HMCN1: variants seen among roughly 807,000 people sequenced by gnomAD.
HMCN1 encodes the protein hemicentin 1, also known as hemicentin-1.
A neutral mutation model predicts 625.9 loss-of-function variants in HMCN1; 321 were observed. The ratio of observed to expected loss-of-function variants is 0.51; its 90% CI spans 0.47 to 0.56. The LOEUF is 0.56. Among genes scored for constraint, HMCN1 ranks in the 20% least tolerant of loss-of-function variants. HMCN1 has a pLI of 0.00. For synonymous variants in HMCN1, 2,425 were observed against 2,417.6 expected (o/e 1.00, Z -0.09); for missense variants, 6,588 against 6,887.3 (o/e 0.96, Z 1.54).
intron 4 of HMCN1, among the ~76,000 whole-genome samples, chr1:185,877,166 A>G (rs1663995577): frequency 6.6e-6 from 1 of 151,774 alleles, no homozygotes; most frequent in Non-Finnish European, 1.5e-5. Context: ...CTAAATATTT[A>G]TTTATTTAAT....
At position 186,074,838 on chromosome 1, in the gene HMCN1, T is replaced by A; in HGVS notation, c.8237T>A (p.Val2746Glu). ...QISDTGRYTC[V>E]ASNIAGEDEL... ...TCAGACACCGGACGATATACTTGTG[T>A]AGCATCTAACATTGCAGGTGAAGAT... Residue 2746 changes from valine to glutamate, a missense_variant, in exon 53 of 107, where the codon GTA becomes GAA. Physicochemically the swap from Val to Glu is moderately radical, Grantham distance 121. This residue lies in a region of HMCN1 where 4,628 missense variants were observed against 4,853.1 expected (regional missense o/e 0.95). Transcript: ENST00000271588. 1.2e-6 allele frequency: 2 copies of A among 1,613,104 alleles called. No individual in the cohort carries two copies. Among genetic ancestry groups the A allele is most frequent in the Non-Finnish European group, 1.7e-6 (2 of 1,179,308 alleles).
At chr1:185,869,305 A>C (rs183781921) in intron 4 of HMCN1, among the ~76,000 whole-genome samples, 1 of 152,330 alleles carries the variant, frequency 6.6e-6, no homozygotes, top group African/African-American at 2.4e-5. Context: ...CCTGTCTGTA[A>C]AATGGAGATA....
rs189893883 is a variant in HMCN1, at chr1:186,071,982, G to A, written c.8139+1225G>A. 6.2e-3 allele frequency among the ~76,000 whole-genome samples: 936 copies of A among 152,174 alleles called. 4 individuals are homozygous for A. Among genetic ancestry groups the A allele is most frequent in the Non-Finnish European group, 7.9e-3 (539 of 67,984 alleles). On this transcript the variant is annotated intron_variant, in intron 52 of 106. Transcript: ENST00000271588. ...CTGGGTAAAGACTAAAAGTGCACAG[G>A]AAATGAGGCATTTTTGTCTTATTTT...
intron 1 of HMCN1, among the ~76,000 whole-genome samples, chr1:185,782,268 A>G (rs1657181122): frequency 6.6e-6 from 1 of 152,204 alleles, no homozygotes; most frequent in Non-Finnish European, 1.5e-5. Context: ...TCTCCTGAAT[A>G]CAGCACACTG....
At chr1:185,909,259 C>A in intron 4 of HMCN1, 78 bp from the exon 5 acceptor site, 1 of 1,144,780 alleles carries the variant, frequency 8.7e-7, no homozygotes, top group Non-Finnish European at 1.3e-6. Flanking sequence ...TTTGATCACC[C>A]AAAGGACCTG....
intron 89 of HMCN1, among the ~76,000 whole-genome samples, chr1:186,141,511 A>G (rs994374834): frequency 6.6e-6 from 1 of 152,204 alleles, no homozygotes; most frequent in Non-Finnish European, 1.5e-5. Flanking sequence ...AATCTTTTTT[A>G]AGATTGATAT....
intron 1 of HMCN1, among the ~76,000 whole-genome samples, chr1:185,841,095 A>AG (rs1661448524): frequency 6.6e-6 from 1 of 152,128 alleles, no homozygotes; most frequent in Non-Finnish European, 1.5e-5. Flanking sequence ...TTTTTCCATT[A>AG]TTTTCTTAAG....
chr1:185,857,414 G>C (rs960571050), intron 2 of HMCN1, among the ~76,000 whole-genome samples: 1 of 152,082 alleles, frequency 6.6e-6, no homozygotes. Context: ...TGTATTTAGG[G>C]AGCTGTCTAA....
At chr1:185,780,787 A>G (rs1657025916) in intron 1 of HMCN1, among the ~76,000 whole-genome samples, 1 of 152,162 alleles carries the variant, frequency 6.6e-6, no homozygotes, top group South Asian at 2.1e-4. Flanking sequence ...GATGTTGATC[A>G]AGGATATTGG....
At chr1:186,113,730 A>G (rs965928325) in intron 72 of HMCN1, among the ~76,000 whole-genome samples, 16 of 152,216 alleles carry the variant, frequency 1.1e-4, no homozygotes, top group African/African-American at 3.9e-4. Flanking sequence ...CTCTCACAGT[A>G]AGCCAGATTT....
chr1:185,910,822 G>A (rs1250740475), intron 5 of HMCN1, among the ~76,000 whole-genome samples: 3 of 152,016 alleles, frequency 2.0e-5, no homozygotes, highest in Admixed American at 2.0e-4. Flanking sequence ...GCCCACCTCG[G>A]CCTCCCAAAG....
intron 6 of HMCN1, among the ~76,000 whole-genome samples, chr1:185,913,998 C>G (rs970691678): frequency 6.6e-6 from 1 of 152,092 alleles, no homozygotes; most frequent in Non-Finnish European, 1.5e-5. Flanking sequence ...AATAAAAAGA[C>G]ACAGTATCTA....
rs1187974898 is a variant in HMCN1 at position 185,977,841 on chromosome 1, A to T, written c.2426A>T (p.Asn809Ile). The T allele has an allele frequency of 6.2e-7, 1 of 1,613,078 alleles. No homozygotes were observed. The highest frequency in any genetic ancestry group is 2.2e-5 in the East Asian group (1 of 44,792). The change falls in exon 16 of 107, where the codon AAT becomes ATT. Residue 809 changes from asparagine to isoleucine, a missense_variant. Transcript: ENST00000271588. ...GATGTGTCTATGGAAATTGGCTCAA[A>T]TGTGACATTACCTTGTTATGTTCAG... ...PADVSMEIGS[N>I]VTLPCYVQGY...
At chr1:186,022,388 G>A (rs951120797) in intron 35 of HMCN1, among the ~76,000 whole-genome samples, 28 of 152,258 alleles carry the variant, frequency 1.8e-4, no homozygotes, top group African/African-American at 6.7e-4. Flanking sequence ...GGAGTTGGTA[G>A]TCAACCACAC....
At chr1:185,774,280 C>G (rs1306814133) in intron 1 of HMCN1, among the ~76,000 whole-genome samples, 1 of 151,880 alleles carries the variant, frequency 6.6e-6, no homozygotes, top group South Asian at 2.1e-4. Context: ...GATGGGATGG[C>G]TTTGGAATAG....
chr1:186,132,413 A>T lies in HMCN1; in HGVS notation c.13312+4A>T. On this transcript the variant is annotated splice_donor_region_variant and intron_variant, in intron 86 of 106. Coordinates refer to ENST00000271588, the MANE Select transcript of HMCN1 (RefSeq NM_031935.3). ...AGCATGAGTCTGACTCTGCAAAGTA[A>T]GCTGCTTAATGAAACTAATTAAACA... 6.2e-7 allele frequency: 1 copy of T among 1,604,980 alleles called. No individual in the cohort carries two copies. Among genetic ancestry groups the T allele is most frequent in the Non-Finnish European group, 8.5e-7 (1 of 1,173,954 alleles).
intron 30 of HMCN1, among the ~76,000 whole-genome samples, chr1:186,014,499 C>T (rs1271426554): frequency 1.3e-5 from 2 of 151,684 alleles, no homozygotes; most frequent in Non-Finnish European, 2.9e-5. Flanking sequence ...CTGGAATGAC[C>T]ATATTTAGAA....
Position 185,982,367 on chromosome 1 carries a change from G to T in HMCN1, c.2768G>T (p.Arg923Leu). ...GCTGGAAATCCCATTCCAGAACGTC[G>T]GTGGATTAAGAATTCAGCTATGGTA... ...LLAGNPIPER[R>L]WIKNSAMLLQ... Residue 923 changes from arginine (R) to leucine (L), a missense_variant, in exon 18 of 107, where the codon CGG (arginine) becomes CTG (leucine). By Grantham distance (102) the Arg-to-Leu change is moderately radical. This residue lies in a region of HMCN1 where 4,628 missense variants were observed against 4,853.1 expected (regional missense o/e 0.95). Coordinates refer to ENST00000271588, the MANE Select transcript of HMCN1 (RefSeq NM_031935.3). 6.2e-7 allele frequency: 1 copy of T among 1,613,400 alleles called. No individual in the cohort carries two copies. Among genetic ancestry groups the T allele is most frequent in the South Asian group, 1.1e-5 (1 of 91,056 alleles).
At chr1:186,140,992 A>G (rs747353936) in intron 89 of HMCN1, among the ~76,000 whole-genome samples, 14 of 152,124 alleles carry the variant, frequency 9.2e-5, no homozygotes, top group Non-Finnish European at 2.1e-4. Context: ...ATAACTCACC[A>G]TAATGTAGAC....
Sources: allele counts gnomAD v4.1 joint callset (sites outside exome capture counted in the v4.1 genomes callset), GRCh38; gene constraint gnomAD v4.1.1; regional missense constraint gnomAD v4.1.1; transcripts MANE v1.5; gene names NCBI Gene and HGNC (gene_info 2026-07-23, HGNC 2026-07-21).